TRIM38: variants seen among roughly 807,000 people sequenced by gnomAD.
TRIM38 encodes the protein E3 ubiquitin-protein ligase TRIM38.
A neutral mutation model predicts 35.8 loss-of-function variants in TRIM38; 35 were observed. The observed-to-expected ratio is 0.98, with a 90% CI of 0.75 to 1.30. The LOEUF is 1.30. Among genes scored for constraint, TRIM38 ranks in the 50% most tolerant of loss-of-function variants. TRIM38 has a pLI of 0.00. For missense variants in TRIM38, 545 were observed against 556.9 expected (o/e 0.98, Z 0.21); for synonymous variants, 198 against 204.7 (o/e 0.97, Z 0.28).
chr6:25,964,842 C>T (rs1284718939), intron 2 of TRIM38, among the ~76,000 whole-genome samples: 7 of 148,108 alleles, frequency 4.7e-5, no homozygotes, highest in African/African-American at 1.3e-4. Context: ...GACAGATTCT[C>T]GCTCTTTCAC....
Position 25,963,033 on chromosome 6 carries a change from C to G in TRIM38, c.-422-16C>G, listed in dbSNP as rs1430968788. 1 of 152,360 alleles carries G rather than the reference C, an allele frequency of 6.6e-6. No individual in the cohort carries two copies. Among genetic ancestry groups the G allele is most frequent in the East Asian group, 1.9e-4 (1 of 5,320 alleles). 9.4% of individuals were successfully genotyped at this position (152,360 alleles called of 1,614,324 possible). A position where few individuals can be genotyped will look rare whatever the true frequency, so the allele number is the denominator to read the frequency against. On this transcript the variant is annotated splice_polypyrimidine_tract_variant and intron_variant, in intron 1 of 7. Transcript: ENST00000357085. Reference sequence around the variant, plus strand: ...TTTTACAGCTCTCACCTCTTTCCTGCTCTTTCTTTCACCAGACTTTACACC... The same window carrying G: ...TTTTACAGCTCTCACCTCTTTCCTGGTCTTTCTTTCACCAGACTTTACACC...
chr6:25,988,496 C>CTTTTCTTTCTTTTTTTTTTTTTTTTT lies in TRIM38; in HGVS notation c.*4813_*4814insCTTTCTTTTTTTTTTTTTTTTTTTTT, dbSNP rs1760775647. 1.6e-5 allele frequency: 1 copy of CTTTTCTTTCTTTTTTTTTTTTTTTTT among 63,054 alleles called. No homozygotes were observed. The highest frequency in any genetic ancestry group is 2.7e-5 in the Non-Finnish European group (1 of 37,380). 3.9% of individuals were successfully genotyped at this position (63,054 alleles called of 1,614,324 possible). On this transcript the variant is annotated 3_prime_UTR_variant, in exon 8 of 8. Coordinates refer to ENST00000357085, the MANE Select transcript of TRIM38 (RefSeq NM_006355.5). ...TTTCTTTTTCTTTTTTCTTTTCTTT[C>CTTTTCTTTCTTTTTTTTTTTTTTTTT]TTTTTTTTTTTTTTTTTGAGACAGA...
In TRIM38 at chr6:25,965,748, T is replaced by C. The variant is rs1003222702; in HGVS notation, c.-188-587T>C. Among the ~76,000 whole-genome samples, 4 of 151,858 alleles carry C rather than the reference T, an allele frequency of 2.6e-5. 1 individual carries two copies. Among genetic ancestry groups the C allele is most frequent in the Admixed American group, 2.6e-4 (4 of 15,256 alleles). ...AGCCAACCAACATGGTGAAACCCCATCTCTACTAAAAATACAAAAATTAGC... is the reference window on the plus strand; with the variant it reads ...AGCCAACCAACATGGTGAAACCCCACCTCTACTAAAAATACAAAAATTAGC... On this transcript the variant is annotated intron_variant, in intron 2 of 7. Transcript: ENST00000357085.
At position 25,983,177 on chromosome 6, in the gene TRIM38, G is replaced by C. The variant is rs1248914973; in HGVS notation, c.888G>C (p.Leu296=). The C allele has an allele frequency of 1.3e-6, 2 of 1,582,056 alleles. No homozygotes were observed. Among genetic ancestry groups the C allele is most frequent in the Admixed American group, 3.7e-5 (2 of 54,470 alleles). The change falls in exon 8 of 8, where the codon CTG becomes CTC. Residue 296 remains leucine, a synonymous_variant. Transcript: ENST00000357085. The part of the protein sequence containing the change: ...MLRSHQVSVT[L]DPDTAHHELI... ...TTTGTTTTGCAGTTAGTGTGACTCTGGATCCAGATACAGCTCATCACGAAC... is the reference window on the plus strand; with the variant it reads ...TTTGTTTTGCAGTTAGTGTGACTCTCGATCCAGATACAGCTCATCACGAAC...
Position 25,988,371 on chromosome 6 carries a change from G to A in TRIM38, c.*4684G>A, listed in dbSNP as rs1281678834. On this transcript the variant is annotated 3_prime_UTR_variant, in exon 8 of 8. Coordinates refer to ENST00000357085, the MANE Select transcript of TRIM38 (RefSeq NM_006355.5). ...TTTTTGGCTTGCTTGCCCTGCATCA[G>A]TTGGAGTCATATAGTATGCAGTCTT... The A allele has an allele frequency of 6.6e-6, 1 of 151,862 alleles. No individual in the cohort carries two copies. The highest frequency in any genetic ancestry group is 1.5e-5 in the Non-Finnish European group (1 of 68,010). 9.4% of individuals were successfully genotyped at this position (151,862 alleles called of 1,614,324 possible).
rs1561906527 is a variant in TRIM38 at position 25,988,487 on chromosome 6, C to CTTTTTTTTTTT, written c.*4804_*4805insTTTTTTTTTTT. The CTTTTTTTTTTT allele has an allele frequency of 5.1e-5, 2 of 38,932 alleles. No homozygotes were observed. Among genetic ancestry groups the CTTTTTTTTTTT allele is most frequent in the African/African-American group, 1.3e-4 (1 of 7,710 alleles). The allele number at this position is 38,932 out of a possible 1,614,324, so 2.4% of individuals were successfully genotyped here. A position where few individuals can be genotyped will look rare whatever the true frequency, so the allele number is the denominator to read the frequency against. On this transcript the variant is annotated 3_prime_UTR_variant, in exon 8 of 8. Transcript: ENST00000357085. ...TCTTTTCTTTTTCTTTTTCTTTTTT[C>CTTTTTTTTTTT]TTTTCTTTCTTTTTTTTTTTTTTTT...
chr6:25,969,374 G>T lies in TRIM38; in HGVS notation c.461G>T (p.Cys154Phe), dbSNP rs538233068. 149 of 1,613,074 alleles carry T rather than the reference G, an allele frequency of 9.2e-5. No homozygotes were observed. In the Admixed American group the frequency reaches 1.2e-3, roughly 13 times the overall value. The change falls in exon 4 of 8, where the codon TGT (cysteine) becomes TTT (phenylalanine). Residue 154 changes from cysteine (C) to phenylalanine (F), a missense_variant. Cys to Phe is a radical substitution (Grantham distance 205). Transcript: ENST00000357085. ...AAACTGAAGCAACTTGAAGACAGAT[G>T]TACGGAGCAGAAGCTGTCCACAGCA... Reference protein sequence around the residue: ...VTKLKQLEDRCTEQKLSTAMR... With the variant: ...VTKLKQLEDRFTEQKLSTAMR...
chr6:25,971,262 G>T (rs1388536621), intron 4 of TRIM38, among the ~76,000 whole-genome samples: 4 of 152,126 alleles, frequency 2.6e-5, no homozygotes, highest in Non-Finnish European at 4.4e-5. Flanking sequence ...CTTGGCTGAA[G>T]AACAAGAAAA....
intron 7 of TRIM38, among the ~76,000 whole-genome samples, chr6:25,981,282 C>T (rs1000962943): frequency 2.0e-5 from 3 of 152,214 alleles, no homozygotes; most frequent in African/African-American, 7.2e-5. Context: ...ATTGGCTGAA[C>T]CAAGCCAGAG....
chr6:25,984,309 G>C lies in TRIM38; in HGVS notation c.*622G>C, dbSNP rs1019096704. 5 of 152,292 alleles carry C rather than the reference G, an allele frequency of 3.3e-5. No individual in the cohort carries two copies. Among genetic ancestry groups the C allele is most frequent in the African/African-American group, 1.2e-4 (5 of 41,406 alleles). The allele number at this position is 152,292 out of a possible 1,614,324, so 9.4% of individuals were successfully genotyped here. On this transcript the variant is annotated 3_prime_UTR_variant, in exon 8 of 8. Coordinates refer to ENST00000357085, the MANE Select transcript of TRIM38 (RefSeq NM_006355.5). ...TGAGTAAAATTGAACTTTGATGGGG[G>C]ATTCAGTTCTGGAAAAGAATTTGGT...
chr6:25,970,050 T>C (rs965072412), intron 4 of TRIM38, among the ~76,000 whole-genome samples: 2 of 152,076 alleles, frequency 1.3e-5, no homozygotes, highest in African/African-American at 4.8e-5. Flanking sequence ...CTTGAGTAGC[T>C]GGGATTACAG....
At chr6:25,980,188 G>T (rs1237080978) in intron 7 of TRIM38, among the ~76,000 whole-genome samples, 1 of 152,110 alleles carries the variant, frequency 6.6e-6, no homozygotes, top group East Asian at 1.9e-4. Flanking sequence ...TTCTTAGATT[G>T]TTCAGACCTT....
chr6:25,972,507 GA>G, intron 5 of TRIM38, among the ~76,000 whole-genome samples: 1 of 152,322 alleles, frequency 6.6e-6, no homozygotes, highest in South Asian at 2.1e-4. Context: ...TTATCTGTAG[GA>G]AGATAAACAT....
At chr6:25,974,531 G>A (rs543084387) in intron 7 of TRIM38, among the ~76,000 whole-genome samples, 5 of 152,242 alleles carry the variant, frequency 3.3e-5, no homozygotes, top group African/African-American at 1.2e-4. Context: ...GGAATTTTAC[G>A]AGGGTGTGAA....
At position 25,986,078 on chromosome 6, in the gene TRIM38, G is replaced by A. The variant is rs1760697857; in HGVS notation, c.*2391G>A. ...TAATAAAGAATACAGAAGAAAATAG[G>A]AACAAAAGAATATATACTGGAATAA... is the stretch of plus-strand genomic sequence containing the variant. On this transcript the variant is annotated 3_prime_UTR_variant, in exon 8 of 8. Transcript: ENST00000357085. 1 of 151,918 alleles carries A rather than the reference G, an allele frequency of 6.6e-6. No homozygotes were observed. The highest frequency in any genetic ancestry group is 1.5e-5 in the Non-Finnish European group (1 of 67,986). 9.4% of individuals were successfully genotyped at this position (151,918 alleles called of 1,614,324 possible).
rs1760797287 is a variant in TRIM38 at position 25,989,743 on chromosome 6, A to C, written c.*6056A>C. 1.3e-5 allele frequency: 2 copies of C among 152,010 alleles called. No homozygotes were observed. 9.4% of individuals were successfully genotyped at this position (152,010 alleles called of 1,614,324 possible). The stretch of plus-strand genomic sequence containing the variant: ...TTTTTTCTCATAGTTTTCTAACAAA[A>C]TCTTCATAACTGAAATAATTTCTCT... On this transcript the variant is annotated 3_prime_UTR_variant, in exon 8 of 8. Coordinates refer to ENST00000357085, the MANE Select transcript of TRIM38 (RefSeq NM_006355.5).
In TRIM38 at chr6:25,971,982, G is replaced by T. The variant is rs570729216; in HGVS notation, c.621G>T (p.Gln207His). ...YLWRLEKEEQ[Q>H]TLSRLRDYEA... is the part of the protein sequence containing the mutation. ...GGAGGCTGGAGAAAGAAGAACAACAGACTCTGAGTAGACTGAGGGACTATG... is the reference window on the plus strand; with the variant it reads ...GGAGGCTGGAGAAAGAAGAACAACATACTCTGAGTAGACTGAGGGACTATG... The change falls in exon 5 of 8, where the codon CAG becomes CAT. Residue 207 changes from glutamine (Q) to histidine (H), a missense_variant. Gln to His is a conservative substitution (Grantham distance 24, BLOSUM62 0). Coordinates refer to ENST00000357085, the MANE Select transcript of TRIM38 (RefSeq NM_006355.5). The T allele has an allele frequency of 1.9e-6, 3 of 1,614,166 alleles. No individual in the cohort carries two copies. In the South Asian group the frequency reaches 3.3e-5, roughly 18 times the overall value.
Position 25,988,496 on chromosome 6 carries a change from C to CTTTTTTTCTT in TRIM38, c.*4816_*4817insCTTTTTTTTT, listed in dbSNP as rs1554143886. 2.8e-3 allele frequency: 176 copies of CTTTTTTTCTT among 63,024 alleles called. 14 individuals carry two copies. The highest frequency in any genetic ancestry group is 0.012 in the African/African-American group (170 of 14,180). The allele number at this position is 63,024 out of a possible 1,614,324, so 3.9% of individuals were successfully genotyped here. On this transcript the variant is annotated 3_prime_UTR_variant, in exon 8 of 8. Transcript: ENST00000357085. ...TTTCTTTTTCTTTTTTCTTTTCTTT[C>CTTTTTTTCTT]TTTTTTTTTTTTTTTTTGAGACAGA... is the stretch of plus-strand genomic sequence containing the variant.
chr6:25,966,424 C>T lies in TRIM38; in HGVS notation c.-99C>T. ...GAAGTCAGTTGCAGCCAGCTCATCA[C>T]ATAGAGGTGCAGGTGAGGTGTATTT... is the stretch of plus-strand genomic sequence containing the variant. On this transcript the variant is annotated 5_prime_UTR_variant, in exon 3 of 8. Transcript: ENST00000357085. 7.8e-7 allele frequency: 1 copy of T among 1,287,776 alleles called. No homozygotes were observed. The highest frequency in any genetic ancestry group is 1.0e-6 in the Non-Finnish European group (1 of 957,738). The allele number at this position is 1,287,776 out of a possible 1,614,324, so 79.8% of individuals were successfully genotyped here. A position where few individuals can be genotyped will look rare whatever the true frequency, so the allele number is the denominator to read the frequency against.
Sources: gnomAD v4.1 joint callset for allele counts (sites outside exome capture counted in the v4.1 genomes callset) on GRCh38, gnomAD v4.1.1 for gene constraint, MANE v1.5 for transcripts, NCBI Gene and HGNC (gene_info 2026-07-23, HGNC 2026-07-21) for gene names.